The following ADAMTSL4 variants were observed in gnomAD, a reference collection of about 807,000 sequenced individuals.
ADAMTSL4 encodes the protein ADAMTS like 4, also known as ADAMTS-like protein 4.
In ADAMTSL4, 97 loss-of-function variants were observed where a neutral mutation model predicts 122.8. The ratio of observed to expected loss-of-function variants is 0.79; its 90% CI spans 0.67 to 0.93. The LOEUF (loss-of-function observed/expected upper bound fraction) is 0.93, where lower values mean the gene tolerates loss of function less well. Ranked by LOEUF, ADAMTSL4 falls within the 40% of genes least tolerant of loss-of-function variation. The pLI is 0.00. For synonymous variants in ADAMTSL4, 592 were observed against 568.0 expected (o/e 1.04, Z -0.60); for missense variants, 1,408 against 1,453.5 (o/e 0.97, Z 0.51).
At position 150,553,072 on chromosome 1, in the gene ADAMTSL4, C is replaced by T. The variant is rs1671597750; in HGVS notation, c.253C>T (p.Pro85Ser). The change falls in exon 5 of 19, where the codon CCT (proline) becomes TCT (serine). Residue 85 changes from proline (P) to serine (S), a missense_variant. Coordinates refer to ENST00000271643, the MANE Select transcript of ADAMTSL4 (RefSeq NM_019032.6). The stretch of plus-strand genomic sequence containing the variant: ...GCAGCTCCACCCGAGTCTGCCCCTC[C>T]CTCCCCGGCCCCCAAGACATCCAGA... Reference protein sequence around the residue: ...TVQLHPSLPLPPRPPRHPEAL... With the variant: ...TVQLHPSLPLSPRPPRHPEAL... 2 of 1,613,526 alleles carry T rather than the reference C, an allele frequency of 1.2e-6. No homozygotes were observed. Among genetic ancestry groups the T allele is most frequent in the African/African-American group, 2.7e-5 (2 of 74,974 alleles).
At chr1:150,555,872 C>A (rs983189952) in intron 8 of ADAMTSL4, 2 of 598,750 alleles carry the variant, frequency 3.3e-6, no homozygotes, top group Non-Finnish European at 6.0e-6. Context: ...TGAACACATG[C>A]ACACATGCAC....
chr1:150,557,170 C>G lies in ADAMTSL4; in HGVS notation c.1882C>G (p.Pro628Ala). 6.2e-7 allele frequency: 1 copy of G among 1,611,900 alleles called. No individual in the cohort carries two copies. Among genetic ancestry groups the G allele is most frequent in the South Asian group, 1.1e-5 (1 of 91,078 alleles). The change falls in exon 12 of 19, where the codon CCA becomes GCA. Residue 628 changes from proline (P) to alanine (A), a missense_variant. Pro to Ala is a conservative substitution (Grantham distance 27, BLOSUM62 -1). Transcript: ENST00000271643. Reference protein sequence around the residue: ...LQPEILRVEPPLAPAPRPART... With the variant: ...LQPEILRVEPALAPAPRPART... ...CACAGAGATTCTGAGGGTGGAGCCC[C>G]CACTTGCTCCGGCACCCCGCCCAGC...
intron 8 of ADAMTSL4, 120 bp downstream of exon 8, chr1:150,555,685 A>G: frequency 7.2e-7 from 1 of 1,387,378 alleles, no homozygotes. Context: ...AAGCACATAC[A>G]CACACGCATA....
Position 150,554,634 on chromosome 1 carries a change from G to T in ADAMTSL4, c.1234+167G>T, listed in dbSNP as rs749389911. The T allele has an allele frequency of 1.7e-4, 257 of 1,542,616 alleles. No individual in the cohort carries two copies. The highest frequency in any genetic ancestry group is 2.2e-4 in the Non-Finnish European group (253 of 1,146,972). On this transcript the variant is annotated intron_variant, in intron 7 of 18. Transcript: ENST00000271643. This position sits in a 1 kb window ranked among gnomAD's most constrained non-coding sequence, Gnocchi z 4.0. ...GGCTGGGTCAGGAGACAGCACAGGT[G>T]GTGAGTGGTCTGCAGAAGGGTCGGG...
intron 8 of ADAMTSL4, 152 bp downstream of exon 8, chr1:150,555,717 A>G (rs28439413): frequency 2.7e-6 from 3 of 1,105,080 alleles, no homozygotes; most frequent in Non-Finnish European, 3.9e-6. Flanking sequence ...ACATGCACAC[A>G]CGCACACACA....
At chr1:150,555,596 C>T (rs1222152530) in intron 8 of ADAMTSL4, 31 bp downstream of exon 8, 3 of 1,586,912 alleles carry the variant, frequency 1.9e-6, no homozygotes, top group Middle Eastern at 1.7e-4. Context: ...TGTGCACACA[C>T]ACATGCATAT....
At position 150,554,388 on chromosome 1, in the gene ADAMTSL4, C is replaced by A. The variant is rs1241363960; in HGVS notation, c.1155C>A (p.Asp385Glu). 1 of 1,613,626 alleles carries A rather than the reference C, an allele frequency of 6.2e-7. No homozygotes were observed. Among genetic ancestry groups the A allele is most frequent in the Non-Finnish European group, 8.5e-7 (1 of 1,180,014 alleles). ...SQAPCPPEQPDPRALQCAAFN... is the reference protein window; with the variant it reads ...SQAPCPPEQPEPRALQCAAFN... ...AGCCCTGCCCCCCTGAGCAGCCAGA[C>A]CCCCGGGCCCTGCAGTGCGCAGCCT... Residue 385 changes from aspartate (D) to glutamate (E), a missense_variant, in exon 7 of 19, where the codon GAC (aspartate) becomes GAA (glutamate). Asp to Glu is a conservative substitution (Grantham distance 45). Coordinates refer to ENST00000271643, the MANE Select transcript of ADAMTSL4 (RefSeq NM_019032.6). The surrounding 1 kb of genome is among the most constrained non-coding windows in gnomAD (Gnocchi z 4.0).
In ADAMTSL4 at chr1:150,560,208, G is replaced by C. The variant is rs1157946895; in HGVS notation, c.*12G>C. 1 of 1,613,788 alleles carries C rather than the reference G, an allele frequency of 6.2e-7. No homozygotes were observed. The highest frequency in any genetic ancestry group is 1.1e-5 in the South Asian group (1 of 91,084). ...AGGATCCCTCCTGAAAGGGGTCCGG[G>C]GCACCTTCACGGTTTTCTGTGCCAC... On this transcript the variant is annotated 3_prime_UTR_variant, in exon 19 of 19. Coordinates refer to ENST00000271643, the MANE Select transcript of ADAMTSL4 (RefSeq NM_019032.6).
In ADAMTSL4 at chr1:150,558,608, C is replaced by T. The variant is rs754770360; in HGVS notation, c.2518C>T (p.Pro840Ser). 4.3e-6 allele frequency: 7 copies of T among 1,613,846 alleles called. No individual in the cohort carries two copies. The highest frequency in any genetic ancestry group is 3.3e-5 in the Admixed American group (2 of 60,022). Residue 840 changes from proline (P) to serine (S), a missense_variant, in exon 15 of 19, where the codon CCC (proline) becomes TCC (serine). Coordinates refer to ENST00000271643, the MANE Select transcript of ADAMTSL4 (RefSeq NM_019032.6). ...PPSREACDMG[P>S]CTTAWFHSDW... ...CAGCAGAGAGGCCTGTGACATGGGG[C>T]CCTGTACTACTGCCTGGTTCCACAG...
chr1:150,558,561 C>T lies in ADAMTSL4; in HGVS notation c.2471C>T (p.Ala824Val), dbSNP rs377554910. The part of the protein sequence containing the change: ...NGDEVSEQEC[A>V]SGPPQPPSRE... ...GATGAAGTGAGCGAGCAGGAGTGTG[C>T]GTCAGGCCCCCCGCAGCCCCCCAGC... is the stretch of plus-strand genomic sequence containing the variant. The change falls in exon 15 of 19, where the codon GCG becomes GTG. Residue 824 changes from alanine to valine, a missense_variant. Physicochemically the swap from Ala to Val is moderately conservative, Grantham distance 64. Transcript: ENST00000271643. 4.3e-5 allele frequency: 69 copies of T among 1,613,760 alleles called. No individual in the cohort carries two copies. The highest frequency in any genetic ancestry group is 5.1e-5 in the Non-Finnish European group (60 of 1,179,980).
rs750609769 is a variant in ADAMTSL4, at chr1:150,557,468, CCCTGGCTG to C, written c.2048-22_2048-15del. 5.0e-5 allele frequency: 80 copies of C among 1,612,932 alleles called. No homozygotes were observed. Among genetic ancestry groups the C allele is most frequent in the Non-Finnish European group, 6.4e-5 (76 of 1,179,912 alleles). ...GAGCTTGGGCTCTAGCCTCCTGCCTCCCTGGCTGCCTTCTCACCCACTCAGGTGTCTGG... is the reference window on the plus strand; with the variant it reads ...GAGCTTGGGCTCTAGCCTCCTGCCTCCCTTCTCACCCACTCAGGTGTCTGG... On this transcript the variant is annotated intron_variant, in intron 12 of 18. Transcript: ENST00000271643.
rs371953947 is a variant in ADAMTSL4, at chr1:150,552,326, G to A, written c.20+18G>A. On this transcript the variant is annotated intron_variant, in intron 3 of 18. Coordinates refer to ENST00000271643, the MANE Select transcript of ADAMTSL4 (RefSeq NM_019032.6). This position sits in a 1 kb window ranked among gnomAD's most constrained non-coding sequence, Gnocchi z 4.0. ...ACTGGCAGGTGAGAGAAGGGGCCAC[G>A]GGTTGGGGGGGAGGAAAAGGGGAGG... 1.9e-6 allele frequency: 3 copies of A among 1,554,798 alleles called. No individual in the cohort carries two copies. Among genetic ancestry groups the A allele is most frequent in the Admixed American group, 3.9e-5 (2 of 51,328 alleles).
At chr1:150,553,285 G>A in intron 5 of ADAMTSL4, 32 bp downstream of exon 5, 5 of 1,610,126 alleles carry the variant, frequency 3.1e-6, no homozygotes, top group Non-Finnish European at 4.2e-6. Context: ...GGTGGGCCTT[G>A]GGCAAGGTGG....
chr1:150,555,308 T>C, intron 7 of ADAMTSL4, 121 bp from the exon 8 acceptor site: 1 of 1,289,742 alleles, frequency 7.8e-7, no homozygotes, highest in Non-Finnish European at 1.1e-6. Context: ...CAGCTTGTGC[T>C]GTTGTCACAT....
In ADAMTSL4 at chr1:150,557,188, C is replaced by G; in HGVS notation, c.1900C>G (p.Arg634Gly). 1 of 1,611,738 alleles carries G rather than the reference C, an allele frequency of 6.2e-7. No individual in the cohort carries two copies. Among genetic ancestry groups the G allele is most frequent in the Non-Finnish European group, 8.5e-7 (1 of 1,179,728 alleles). The change falls in exon 12 of 19, where the codon CGC (arginine) becomes GGC (glycine). Residue 634 changes from arginine (R) to glycine (G), a missense_variant. Arg to Gly is a moderately radical substitution (Grantham distance 125). Coordinates refer to ENST00000271643, the MANE Select transcript of ADAMTSL4 (RefSeq NM_019032.6). ...GGAGCCCCCACTTGCTCCGGCACCCCGCCCAGCCCGGACCCCAGGCACCCT... is the reference window on the plus strand; with the variant it reads ...GGAGCCCCCACTTGCTCCGGCACCCGGCCCAGCCCGGACCCCAGGCACCCT... ...RVEPPLAPAP[R>G]PARTPGTLQR... is the part of the protein sequence containing the mutation.
chr1:150,553,099 G>C lies in ADAMTSL4; in HGVS notation c.280G>C (p.Ala94Pro), dbSNP rs755521002. Residue 94 changes from alanine to proline, a missense_variant, in exon 5 of 19, where the codon GCC (alanine) becomes CCC (proline). Ala to Pro is a conservative substitution (Grantham distance 27, BLOSUM62 -1). Transcript: ENST00000271643. ...TCCCCGGCCCCCAAGACATCCAGAA[G>C]CCCTCCTCCCCCGGGGCCAGGGTCC... ...LPPRPPRHPE[A>P]LLPRGQGPRP... 9 of 1,612,282 alleles carry C rather than the reference G, an allele frequency of 5.6e-6. No homozygotes were observed. Among genetic ancestry groups the C allele is most frequent in the Admixed American group, 1.7e-5 (1 of 59,936 alleles).
intron 7 of ADAMTSL4, 113 bp from the exon 8 acceptor site, chr1:150,555,316 C>A: frequency 7.3e-7 from 1 of 1,378,706 alleles, no homozygotes; most frequent in Non-Finnish European, 1.0e-6. Context: ...GCTGTTGTCA[C>A]ATTTCCTTCA....
Position 150,553,663 on chromosome 1 carries a change from A to G in ADAMTSL4, c.672A>G (p.Pro224=). 1 of 1,590,210 alleles carries G rather than the reference A, an allele frequency of 6.3e-7. No individual in the cohort carries two copies. Among genetic ancestry groups the G allele is most frequent in the Non-Finnish European group, 8.6e-7 (1 of 1,168,648 alleles). ...LPPTELSVHT[P]SPQAEPLSPE... Reference sequence around the variant, plus strand: ...CCACAGAACTGTCTGTCCACACCCCATCCCCCCAAGCAGAACCTCTAAGCC... The same window carrying G: ...CCACAGAACTGTCTGTCCACACCCCGTCCCCCCAAGCAGAACCTCTAAGCC... The change falls in exon 6 of 19, where the codon CCA becomes CCG. Residue 224 remains proline (P), a synonymous_variant. Transcript: ENST00000271643.
Position 150,556,877 on chromosome 1 carries a change from G to C in ADAMTSL4, c.1750-62G>C. 1 of 1,611,094 alleles carries C rather than the reference G, an allele frequency of 6.2e-7. No individual in the cohort carries two copies. The highest frequency in any genetic ancestry group is 2.2e-5 in the East Asian group (1 of 44,850). ...GAGCTGTGGTTGTCAAGATGGGAGA[G>C]AGAGCTGGTGGCATCCTCTTCTGGC... On this transcript the variant is annotated intron_variant, in intron 10 of 18. Transcript: ENST00000271643. The surrounding 1 kb of genome is among the most constrained non-coding windows in gnomAD (Gnocchi z 4.1).
Sources: allele counts gnomAD v4.1 joint callset, GRCh38; gene constraint gnomAD v4.1.1; non-coding constraint Gnocchi (gnomAD v3.1); transcripts MANE v1.5; gene names NCBI Gene and HGNC (gene_info 2026-07-23, HGNC 2026-07-21).